The following AKT1 variants were observed in gnomAD, a reference collection of about 807,000 sequenced individuals.
AKT1 encodes the protein AKT serine/threonine kinase 1, also known as RAC-alpha serine/threonine-protein kinase.
AKT1 carries 21 observed loss-of-function variants against 63.1 expected under a neutral mutation model. That is an observed-to-expected ratio of 0.33 (90% CI 0.24 to 0.48). The LOEUF (loss-of-function observed/expected upper bound fraction) is 0.48. AKT1 is among the 20% of genes least tolerant of loss of function. The pLI is 0.99. For synonymous variants in AKT1, 257 were observed against 253.1 expected, an observed-to-expected ratio of 1.02 and a Z score of -0.15; for missense variants, 382 against 666.0, an observed-to-expected ratio of 0.57 and a Z score of 4.69.
chr14:104,792,754 C>G, intron 2 of AKT1, 32 bp from the exon 3 acceptor site: 2 of 1,366,436 alleles, frequency 1.5e-6, no homozygotes, highest in East Asian at 2.3e-5. Context: ...GAATGTGAGG[C>G]CACGCCTGGC....
At chr14:104,781,577 C>T (rs1027936305) in intron 3 of AKT1, among the ~76,000 whole-genome samples, 9 of 152,170 alleles carry the variant, frequency 5.9e-5, no homozygotes, top group African/African-American at 1.9e-4. Flanking sequence ...GACACATGGC[C>T]ACCCCCCGGC....
At position 104,770,247 on chromosome 14, in the gene AKT1, G is replaced by A; in HGVS notation, c.*94C>T. The A allele has an allele frequency of 1.5e-6, 2 of 1,378,990 alleles. No homozygotes were observed. Among genetic ancestry groups the A allele is most frequent in the South Asian group, 2.5e-5 (2 of 80,710 alleles). 85.4% of individuals were successfully genotyped at this position (1,378,990 alleles called of 1,614,324 possible). On this transcript the variant is annotated 3_prime_UTR_variant, in exon 15 of 15. Transcript: ENST00000649815. ...GAGGACAGCGTGGCTTCTCTCAAAT[G>A]CACCCGAGAAATAAAAACCATTAAA...
intron 8 of AKT1, 141 bp from the exon 9 acceptor site, chr14:104,774,121 C>T (rs1040691120): frequency 1.5e-5 from 11 of 753,084 alleles, no homozygotes; most frequent in East Asian, 5.4e-5. Context: ...CCCGACACCA[C>T]GCTGCCTGAT....
chr14:104,777,634 A>C, intron 4 of AKT1: 2 of 988,966 alleles, frequency 2.0e-6, no homozygotes. Flanking sequence ...GGGCCCTGAG[A>C]GGTGTGAGTG....
intron 3 of AKT1, among the ~76,000 whole-genome samples, chr14:104,783,183 C>T (rs1893155580): frequency 6.6e-6 from 1 of 152,136 alleles, no homozygotes; most frequent in African/African-American, 2.4e-5. Flanking sequence ...AGACCCCTCA[C>T]ACAAAGAGAC....
chr14:104,790,052 C>G (rs1414143408), intron 3 of AKT1, among the ~76,000 whole-genome samples: 17 of 152,234 alleles, frequency 1.1e-4, no homozygotes, highest in Admixed American at 8.5e-4. Flanking sequence ...CACCCCACCC[C>G]TCACACACAG....
intron 3 of AKT1, among the ~76,000 whole-genome samples, chr14:104,782,514 G>A (rs186800760): frequency 2.0e-5 from 3 of 152,344 alleles, no homozygotes; most frequent in Admixed American, 6.5e-5. Flanking sequence ...CTGGGAGCTG[G>A]ATCTGGGGGT....
At position 104,774,306 on chromosome 14, in the gene AKT1, G is replaced by A; in HGVS notation, c.634-326C>T. On this transcript the variant is annotated intron_variant, in intron 8 of 14. Transcript: ENST00000649815. ...GCTGGGCCCCGGCAGCCCCTGAGGTGCCAAGGAGTGTTTGAAAGGTGAGCA... is the reference window on the plus strand; with the variant it reads ...GCTGGGCCCCGGCAGCCCCTGAGGTACCAAGGAGTGTTTGAAAGGTGAGCA... 7 of 420,294 alleles carry A rather than the reference G, an allele frequency of 1.7e-5. No individual in the cohort carries two copies. In the South Asian group the frequency reaches 1.7e-4, roughly 10 times the overall value. The allele number at this position is 420,294 out of a possible 1,614,324, so 26.0% of individuals were successfully genotyped here.
Position 104,769,467 on chromosome 14 carries a change from G to A in AKT1, c.*874C>T, listed in dbSNP as rs183360200. On this transcript the variant is annotated 3_prime_UTR_variant, in exon 15 of 15. Transcript: ENST00000649815. ...GCCGTGGTGCAGCGGCAGCGGCAGCGTCTGGCCAGGAGGCGTGGAGGGGCC... is the reference window on the plus strand; with the variant it reads ...GCCGTGGTGCAGCGGCAGCGGCAGCATCTGGCCAGGAGGCGTGGAGGGGCC... The A allele has an allele frequency of 2.6e-4, 123 of 466,486 alleles. No homozygotes were observed. The highest frequency in any genetic ancestry group is 1.6e-3 in the African/African-American group (80 of 49,460). The allele number at this position is 466,486 out of a possible 1,614,324, so 28.9% of individuals were successfully genotyped here. A position where few individuals can be genotyped will look rare whatever the true frequency, so the allele number is the denominator to read the frequency against.
chr14:104,786,941 G>A (rs1384728574), intron 3 of AKT1, among the ~76,000 whole-genome samples: 4 of 152,056 alleles, frequency 2.6e-5, no homozygotes, highest in Admixed American at 6.5e-5. Flanking sequence ...CCACCTCCCC[G>A]CCAGGCCTGC....
chr14:104,780,443 C>G (rs939824289), intron 3 of AKT1, among the ~76,000 whole-genome samples: 1 of 152,200 alleles, frequency 6.6e-6, no homozygotes, highest in African/African-American at 2.4e-5. Flanking sequence ...AAGAGCCACC[C>G]CGAGCTGTGT....
chr14:104,771,387 A>C (rs1238980854), intron 13 of AKT1: 2 of 231,650 alleles, frequency 8.6e-6, no homozygotes, highest in African/African-American at 4.4e-5. Flanking sequence ...GAGCTGCCAG[A>C]GAGCCCCTCA....
intron 1 of AKT1, 185 bp from the exon 2 acceptor site, chr14:104,793,489 C>T (rs1227804098): frequency 3.2e-5 from 6 of 185,992 alleles, no homozygotes; most frequent in Non-Finnish European, 6.8e-5. Context: ...CAACATGTAC[C>T]GGGCGTCTCA....
chr14:104,793,568 C>T (rs776653960), intron 1 of AKT1: 21 of 175,420 alleles, frequency 1.2e-4, no homozygotes, highest in Non-Finnish European at 2.3e-4. Context: ...CAGTGAGGAG[C>T]ACCCAGTCCA....
At chr14:104,781,895 A>G (rs1453560951) in intron 3 of AKT1, among the ~76,000 whole-genome samples, 4 of 152,138 alleles carry the variant, frequency 2.6e-5, no homozygotes, top group Non-Finnish European at 5.9e-5. Flanking sequence ...CCCTGTGCCC[A>G]AGAGCACTCA....
chr14:104,788,736 G>A (rs1232343427), intron 3 of AKT1, among the ~76,000 whole-genome samples: 6 of 152,226 alleles, frequency 3.9e-5, no homozygotes, highest in Admixed American at 3.3e-4. Flanking sequence ...AGGAGGCCCA[G>A]CCTAGGCACC....
chr14:104,773,417 C>T (rs1408710451), intron 10 of AKT1, 38 bp from the exon 11 acceptor site: 2 of 1,614,048 alleles, frequency 1.2e-6, no homozygotes, highest in Non-Finnish European at 8.5e-7. Context: ...GCCGCCAGGC[C>T]CCCAGGGCCC....
chr14:104,790,202 C>A (rs946748920), intron 3 of AKT1, among the ~76,000 whole-genome samples: 2 of 152,204 alleles, frequency 1.3e-5, no homozygotes, highest in Admixed American at 6.5e-5. Flanking sequence ...AGGCCACGGT[C>A]GTGGGGAGTC....
Position 104,769,915 on chromosome 14 carries a change from T to C in AKT1, c.*426A>G. On this transcript the variant is annotated 3_prime_UTR_variant, in exon 15 of 15. Coordinates refer to ENST00000649815, the MANE Select transcript of AKT1 (RefSeq NM_001382430.1). ...TGAGGTTGCATCTGGTGCCACCAGG[T>C]TGAACTGAGGCCCAGGGCCCCAGAG... 2.5e-6 allele frequency: 1 copy of C among 395,692 alleles called. No individual in the cohort carries two copies. Among genetic ancestry groups the C allele is most frequent in the Non-Finnish European group, 4.7e-6 (1 of 213,012 alleles). 24.5% of individuals were successfully genotyped at this position (395,692 alleles called of 1,614,324 possible).
Sources: allele counts gnomAD v4.1 joint callset (sites outside exome capture counted in the v4.1 genomes callset), GRCh38; gene constraint gnomAD v4.1.1; transcripts MANE v1.5; gene names NCBI Gene and HGNC (gene_info 2026-07-23, HGNC 2026-07-21).